Variants in PKD1L1 observed in about 807,000 individuals in gnomAD.
PKD1L1 encodes the protein polycystin-1-like protein 1.
Under a neutral mutation model 323.4 loss-of-function variants are expected in PKD1L1, and 236 were observed. The observed-to-expected ratio is 0.73, with a 90% CI of 0.66 to 0.81. The LOEUF is 0.81. Among genes scored for constraint, PKD1L1 ranks in the 40% least tolerant of loss-of-function variants. PKD1L1 has a pLI of 0.00. For missense variants in PKD1L1, 3,320 were observed against 3,508.0 expected (o/e 0.95, Z 1.35); for synonymous variants, 1,344 against 1,335.0 (o/e 1.01, Z -0.15).
chr7:47,951,341 CTTCA>C (rs749298906), upstream of PKD1L1, among the ~76,000 whole-genome samples: 37 of 152,144 alleles, frequency 2.4e-4, no homozygotes, highest in African/African-American at 5.6e-4. Flanking sequence ...TTCCCTTTGT[CTTCA>C]TTGTTTTAAA....
At chr7:47,887,165 C>T (rs1402731792) in intron 17 of PKD1L1, among the ~76,000 whole-genome samples, 1 of 152,246 alleles carries the variant, frequency 6.6e-6, no homozygotes, top group Admixed American at 6.5e-5. Context: ...CAATCACCCT[C>T]TATGTCTTCA....
At chr7:47,921,631 C>T (rs1052441201) in intron 7 of PKD1L1, among the ~76,000 whole-genome samples, 81 of 151,854 alleles carry the variant, frequency 5.3e-4, no homozygotes, top group African/African-American at 1.7e-3. Flanking sequence ...GGAACCAACC[C>T]AAACCAAATA....
At position 47,826,207 on chromosome 7, in the gene PKD1L1, A is replaced by G. The variant is rs550786490; in HGVS notation, c.6854+1143T>C. ...CCCGCCACCATGTTCCGTAGCTGCT[A>G]AGCTATAGGGTGGGTGCACTCTCTG... On this transcript the variant is annotated intron_variant, in intron 45 of 56. Coordinates refer to ENST00000289672, the MANE Select transcript of PKD1L1 (RefSeq NM_138295.5). Among the ~76,000 whole-genome samples, 37 of 152,254 alleles carry G rather than the reference A, an allele frequency of 2.4e-4. 1 individual carries two copies. Among genetic ancestry groups the G allele is most frequent in the African/African-American group, 7.0e-4 (29 of 41,562 alleles).
chr7:47,889,100 G>C (rs1376362802), intron 16 of PKD1L1, among the ~76,000 whole-genome samples: 1 of 152,126 alleles, frequency 6.6e-6, no homozygotes, highest in Non-Finnish European at 1.5e-5. Flanking sequence ...CTGTGTGTGT[G>C]TGTGAAAGGG....
chr7:47,795,577 T>C (rs1784506048), intron 55 of PKD1L1: 2 of 348,496 alleles, frequency 5.7e-6, no homozygotes, highest in Non-Finnish European at 1.1e-5. Context: ...TTTGTTTACA[T>C]GCATGTCTGG....
intron 56 of PKD1L1, among the ~76,000 whole-genome samples, chr7:47,782,383 G>A (rs567806305): frequency 1.3e-5 from 2 of 152,252 alleles, no homozygotes; most frequent in African/African-American, 4.8e-5. Flanking sequence ...GCCCTGGCAA[G>A]CACAAATCTC....
chr7:47,836,552 C>A (rs530809473), intron 37 of PKD1L1, among the ~76,000 whole-genome samples: 2 of 152,232 alleles, frequency 1.3e-5, no homozygotes, highest in Non-Finnish European at 2.9e-5. Context: ...CAGAATGGTT[C>A]TACGTTCTTT....
At chr7:47,948,917 A>G (rs1278883434), upstream of PKD1L1, among the ~76,000 whole-genome samples, 1 of 152,226 alleles carries the variant, frequency 6.6e-6, no homozygotes, top group Admixed American at 6.5e-5. Flanking sequence ...AGATTGCACC[A>G]CTGTGCAATA....
At chr7:47,787,482 C>A (rs1344139117) in intron 56 of PKD1L1, among the ~76,000 whole-genome samples, 2 of 152,162 alleles carry the variant, frequency 1.3e-5, no homozygotes, top group African/African-American at 4.8e-5. Context: ...CCTCCACCAT[C>A]ATTTGAGGGA....
At chr7:47,834,415 C>T (rs752576525) in intron 39 of PKD1L1, 30 bp from the exon 40 acceptor site, 22 of 1,593,456 alleles carry the variant, frequency 1.4e-5, no homozygotes, top group South Asian at 7.7e-5. Context: ...ATCCAATGTA[C>T]GATGCTTTGG....
At chr7:47,882,163 G>C in intron 19 of PKD1L1, 78 bp from the exon 20 acceptor site, 1 of 1,394,654 alleles carries the variant, frequency 7.2e-7, no homozygotes, top group South Asian at 1.2e-5. Flanking sequence ...ATTCAATGCT[G>C]ATATTAATAA....
At chr7:47,854,847 C>T in intron 30 of PKD1L1, 35 bp downstream of exon 30, 2 of 1,604,770 alleles carry the variant, frequency 1.2e-6, no homozygotes, top group Non-Finnish European at 8.5e-7. Context: ...ATATGTCTTA[C>T]TCCAATCTCA....
Position 47,840,421 on chromosome 7 carries a change from CT to C in PKD1L1, c.5552+39del, listed in dbSNP as rs1396750819. 1 of 1,481,508 alleles carries C rather than the reference CT, an allele frequency of 6.7e-7. No individual in the cohort carries two copies. The highest frequency in any genetic ancestry group is 1.7e-5 in the Admixed American group (1 of 59,524). The allele number at this position is 1,481,508 out of a possible 1,614,324, so 91.8% of individuals were successfully genotyped here. ...TAAGGTTACACCAATTCTGATTGGC[CT>C]CTCTTTCCCAAATCTAGCAGTGAAA... On this transcript the variant is annotated intron_variant, in intron 35 of 56. Transcript: ENST00000289672. This position sits in a 1 kb window ranked among gnomAD's most constrained non-coding sequence, Gnocchi z 4.1.
chr7:47,905,012 G>A (rs1185918250), intron 11 of PKD1L1, 145 bp downstream of exon 11: 2 of 860,534 alleles, frequency 2.3e-6, no homozygotes, highest in East Asian at 2.6e-5. Context: ...CTTATGTTGA[G>A]TTTGCTTCAC....
At position 47,890,748 on chromosome 7, in the gene PKD1L1, G is replaced by C; in HGVS notation, c.2469C>G (p.Cys823Trp). 3 of 1,612,370 alleles carry C rather than the reference G, an allele frequency of 1.9e-6. No individual in the cohort carries two copies. Among genetic ancestry groups the C allele is most frequent in the Non-Finnish European group, 2.5e-6 (3 of 1,179,974 alleles). ...GATGTGCTGGGGAGCCAGCGGTGGC[G>C]CATTCCCAGTGATACCTGTTGGAGA... ...PGATLRYHWE[C>W]ATAGSPAHPC... Residue 823 changes from cysteine (C) to tryptophan (W), a missense_variant, in exon 16 of 57, where the codon TGC becomes TGG. Cys to Trp is a radical substitution (Grantham distance 215). Coordinates refer to ENST00000289672, the MANE Select transcript of PKD1L1 (RefSeq NM_138295.5).
chr7:47,816,405 G>C (rs961387648), intron 46 of PKD1L1, among the ~76,000 whole-genome samples: 1 of 152,204 alleles, frequency 6.6e-6, no homozygotes, highest in Non-Finnish European at 1.5e-5. Context: ...ACAGGCCAAG[G>C]CTGTGCATGG....
At chr7:47,953,698 T>A in the PKD1L1 span, among the ~76,000 whole-genome samples, 1 of 152,232 alleles carries the variant, frequency 6.6e-6, no homozygotes, top group Admixed American at 6.5e-5. Context: ...AAGCCCCAGG[T>A]AGGAGCTGCT....
intron 7 of PKD1L1, among the ~76,000 whole-genome samples, chr7:47,922,182 G>A (rs529631873): frequency 7.9e-5 from 12 of 152,328 alleles, no homozygotes; most frequent in East Asian, 1.9e-4. Flanking sequence ...CCGAGGTGCC[G>A]GGATTGCAGA....
At chr7:47,889,962 A>G (rs559183231) in intron 16 of PKD1L1, among the ~76,000 whole-genome samples, 6 of 152,344 alleles carry the variant, frequency 3.9e-5, no homozygotes, top group Admixed American at 3.9e-4. Context: ...CCCTTCCTGC[A>G]CTTGGCTCGG....
Sources: gnomAD v4.1 joint callset for allele counts (sites outside exome capture counted in the v4.1 genomes callset) on GRCh38, gnomAD v4.1.1 for gene constraint, Gnocchi (gnomAD v3.1) non-coding constraint, MANE v1.5 for transcripts, NCBI Gene and HGNC (gene_info 2026-07-23, HGNC 2026-07-21) for gene names.